The following GRIN3A variants were observed in gnomAD, a reference collection of about 807,000 sequenced individuals.
The protein encoded by GRIN3A is glutamate receptor ionotropic, NMDA 3A.
A neutral mutation model predicts 92.4 loss-of-function variants in GRIN3A; 47 were observed. That is an observed-to-expected ratio of 0.51 (90% CI 0.40 to 0.65). GRIN3A has a LOEUF of 0.65. Ranked by LOEUF, GRIN3A falls within the 30% of genes least tolerant of loss-of-function variation. The pLI is 0.00. For synonymous variants in GRIN3A, 527 were observed against 540.6 expected, an observed-to-expected ratio of 0.97 and a Z score of 0.35; for missense variants, 1,324 against 1,393.1, an observed-to-expected ratio of 0.95 and a Z score of 0.79.
At chr9:101,675,557 G>A (rs1291121861) in intron 2 of GRIN3A, among the ~76,000 whole-genome samples, 1 of 151,906 alleles carries the variant, frequency 6.6e-6, no homozygotes, top group African/African-American at 2.4e-5. Context: ...TAGTAGTGAA[G>A]TAAGACCACA....
At chr9:101,632,518 T>G (rs1360494212) in intron 3 of GRIN3A, among the ~76,000 whole-genome samples, 1 of 152,196 alleles carries the variant, frequency 6.6e-6, no homozygotes, top group Non-Finnish European at 1.5e-5. Context: ...AGAGAATGAA[T>G]GAAATTCTCT....
At chr9:101,640,490 G>C (rs1194981982) in intron 3 of GRIN3A, among the ~76,000 whole-genome samples, 1 of 152,234 alleles carries the variant, frequency 6.6e-6, no homozygotes, top group African/African-American at 2.4e-5. Context: ...ATTTGGCCAA[G>C]ATTAGACAGT....
chr9:101,711,715 G>T (rs1427821386), intron 1 of GRIN3A, among the ~76,000 whole-genome samples: 1 of 152,104 alleles, frequency 6.6e-6, no homozygotes, highest in African/African-American at 2.4e-5. Flanking sequence ...GCGGAATCTA[G>T]TGCTGTCTTT....
At chr9:101,599,693 G>C (rs899962540) in intron 6 of GRIN3A, among the ~76,000 whole-genome samples, 1 of 152,090 alleles carries the variant, frequency 6.6e-6, no homozygotes, top group African/African-American at 2.4e-5. Context: ...GAAATATTGA[G>C]TAGGTCACAT....
intron 3 of GRIN3A, among the ~76,000 whole-genome samples, chr9:101,666,587 C>A (rs1465730546): frequency 2.0e-5 from 3 of 151,988 alleles, no homozygotes; most frequent in African/African-American, 7.2e-5. Flanking sequence ...AACAAACCCC[C>A]ATGACAGAAG....
At chr9:101,697,527 A>G (rs138852174) in intron 1 of GRIN3A, among the ~76,000 whole-genome samples, 1 of 152,294 alleles carries the variant, frequency 6.6e-6, no homozygotes, top group African/African-American at 2.4e-5. Context: ...GAAATGAAAA[A>G]AATGTCTGGT....
At position 101,691,340 on chromosome 9, in the gene GRIN3A, T is replaced by C. The variant is rs148198723; in HGVS notation, c.700-4140A>G. On this transcript the variant is annotated intron_variant, in intron 1 of 8. Coordinates refer to ENST00000361820, the MANE Select transcript of GRIN3A (RefSeq NM_133445.3). ...AAACACTTCCTATAACTAGAAGTCA[T>C]GAAAATTACTGTAAATGAAATAATA... Among the ~76,000 whole-genome samples the C allele has an allele frequency of 2.8e-3, 433 of 152,192 alleles. 1 individual carries two copies. The highest frequency in any genetic ancestry group is 1.0e-2 in the African/African-American group (414 of 41,536).
intron 5 of GRIN3A, among the ~76,000 whole-genome samples, chr9:101,620,471 A>G (rs1828535215): frequency 6.6e-6 from 1 of 152,192 alleles, no homozygotes; most frequent in African/African-American, 2.4e-5. Flanking sequence ...TCACACATAG[A>G]GTACTGAGTG....
chr9:101,648,348 TA>T (rs1828966341), intron 3 of GRIN3A, among the ~76,000 whole-genome samples: 1 of 152,102 alleles, frequency 6.6e-6, no homozygotes, highest in South Asian at 2.1e-4. Context: ...TTTTGATTTC[TA>T]AAATTTTGTT....
chr9:101,733,610 T>C (rs1350617355), intron 1 of GRIN3A, among the ~76,000 whole-genome samples: 3 of 152,170 alleles, frequency 2.0e-5, no homozygotes, highest in Non-Finnish European at 4.4e-5. Flanking sequence ...TAAAAATAAA[T>C]ATCCCTTACT....
chr9:101,617,970 C>T (rs937013634), intron 5 of GRIN3A, among the ~76,000 whole-genome samples: 7 of 152,084 alleles, frequency 4.6e-5, no homozygotes, highest in Middle Eastern at 6.8e-3. Context: ...CTACAAAGGA[C>T]ATGAACTCAT....
At chr9:101,708,003 C>A (rs1829832712) in intron 1 of GRIN3A, among the ~76,000 whole-genome samples, 1 of 152,098 alleles carries the variant, frequency 6.6e-6, no homozygotes, top group Non-Finnish European at 1.5e-5. Context: ...AAAAAGAGAA[C>A]TCCTCATTGC....
At chr9:101,637,503 C>T (rs1212132081) in intron 3 of GRIN3A, among the ~76,000 whole-genome samples, 1 of 152,180 alleles carries the variant, frequency 6.6e-6, no homozygotes, top group African/African-American at 2.4e-5. Context: ...GGAGATGTTA[C>T]AGATCTTTTA....
intron 1 of GRIN3A, among the ~76,000 whole-genome samples, chr9:101,726,781 A>G (rs1395554293): frequency 6.6e-6 from 1 of 151,796 alleles, no homozygotes; most frequent in Non-Finnish European, 1.5e-5. Context: ...TTTTGTGGGT[A>G]CATAGTAGGC....
intron 3 of GRIN3A, among the ~76,000 whole-genome samples, chr9:101,647,627 G>C (rs556163979): frequency 5.9e-5 from 9 of 151,944 alleles, no homozygotes; most frequent in African/African-American, 1.9e-4. Context: ...CAGCTCCTGG[G>C]CTTTTCTTTG....
At chr9:101,591,934 C>T (rs1414817514) in intron 6 of GRIN3A, 1 of 152,242 alleles carries the variant, frequency 6.6e-6, no homozygotes, top group African/African-American at 2.4e-5. Context: ...CAATATGTTT[C>T]AAGCCCTTGG....
intron 1 of GRIN3A, among the ~76,000 whole-genome samples, chr9:101,732,751 A>C (rs1830155493): frequency 6.6e-6 from 1 of 152,218 alleles, no homozygotes; most frequent in African/African-American, 2.4e-5. Context: ...ACACCTCTCC[A>C]CTAGTTATTT....
intron 3 of GRIN3A, among the ~76,000 whole-genome samples, chr9:101,650,287 T>C (rs1828997382): frequency 6.6e-6 from 1 of 152,048 alleles, no homozygotes; most frequent in South Asian, 2.1e-4. Context: ...CCCTTTGTCA[T>C]GTCACTATTA....
In GRIN3A at chr9:101,671,805, A is replaced by G. The variant is rs1262190507; in HGVS notation, c.1305-698T>C. Reference sequence around the variant, plus strand: ...ATAGCCTCAGGCTAGCCTCCCTCCAAGTCATTAGAGAGAAACAATTGGCCC... The same window carrying G: ...ATAGCCTCAGGCTAGCCTCCCTCCAGGTCATTAGAGAGAAACAATTGGCCC... On this transcript the variant is annotated intron_variant, in intron 2 of 8. Transcript: ENST00000361820. Among the ~76,000 whole-genome samples the G allele has an allele frequency of 2.6e-5, 4 of 152,132 alleles. No individual in the cohort carries two copies. In the South Asian group the frequency reaches 6.2e-4, roughly 24 times the overall value.
Sources: allele counts gnomAD v4.1 joint callset (sites outside exome capture counted in the v4.1 genomes callset), GRCh38; gene constraint gnomAD v4.1.1; transcripts MANE v1.5; gene names NCBI Gene and HGNC (gene_info 2026-07-23, HGNC 2026-07-21).